The following TOMM20 variants were observed in gnomAD, a reference collection of about 807,000 sequenced individuals.
TOMM20 encodes mitochondrial import receptor subunit TOM20 homolog.
TOMM20 carries 10 observed loss-of-function variants against 22.1 expected under a neutral mutation model. The ratio of observed to expected loss-of-function variants is 0.45; its 90% CI spans 0.28 to 0.77. The LOEUF (loss-of-function observed/expected upper bound fraction) is 0.77. Among genes scored for constraint, TOMM20 ranks in the 30% least tolerant of loss-of-function variants. The pLI, the probability that TOMM20 is intolerant of heterozygous loss-of-function variation, is 0.13. For synonymous variants in TOMM20, 55 were observed against 61.4 expected (o/e 0.90, Z 0.49); for missense variants, 121 against 172.2 (o/e 0.70, Z 1.66).
intron 3 of TOMM20, among the ~76,000 whole-genome samples, chr1:235,117,020 A>C (rs756213517): frequency 5.3e-5 from 8 of 150,056 alleles, no homozygotes; most frequent in Non-Finnish European, 1.2e-4. Context: ...CTGTAGTCCC[A>C]GCTACTCGGG....
intron 1 of TOMM20, among the ~76,000 whole-genome samples, chr1:235,123,616 T>C (rs1460707857): frequency 1.3e-5 from 2 of 152,158 alleles, no homozygotes; most frequent in Admixed American, 1.3e-4. Flanking sequence ...CATAATAGAG[T>C]GCTACCACTG....
At chr1:235,117,277 G>A (rs551712556) in intron 3 of TOMM20, among the ~76,000 whole-genome samples, 1 of 148,960 alleles carries the variant, frequency 6.7e-6, no homozygotes, top group East Asian at 2.0e-4. Flanking sequence ...CCAACATGGT[G>A]AAACCCACCC....
chr1:235,121,201 A>C (rs550458131), intron 2 of TOMM20, among the ~76,000 whole-genome samples: 1 of 151,940 alleles, frequency 6.6e-6, no homozygotes, highest in Admixed American at 6.5e-5. Flanking sequence ...CCATCTCAAA[A>C]AAAAAAAAAA....
intron 4 of TOMM20, 21 bp from the exon 5 acceptor site, chr1:235,112,129 T>A: frequency 6.3e-7 from 1 of 1,578,378 alleles, no homozygotes; most frequent in Non-Finnish European, 8.6e-7. Flanking sequence ...AAAAAAATAA[T>A]TTTTTAAAGT....
intron 1 of TOMM20, among the ~76,000 whole-genome samples, chr1:235,124,731 A>C (rs1412255351): frequency 2.6e-5 from 4 of 152,240 alleles, no homozygotes; most frequent in African/African-American, 9.6e-5. Flanking sequence ...TAACTGATAC[A>C]GCTACCAAAT....
At chr1:235,112,197 G>T in intron 4 of TOMM20, 89 bp from the exon 5 acceptor site, 3 of 1,053,392 alleles carry the variant, frequency 2.8e-6, no homozygotes, top group Non-Finnish European at 4.2e-6. Context: ...TGTATTCAAA[G>T]AATTGAATCT....
At chr1:235,116,279 G>A (rs1164588421) in intron 3 of TOMM20, among the ~76,000 whole-genome samples, 14 of 151,630 alleles carry the variant, frequency 9.2e-5, no homozygotes, top group African/African-American at 2.9e-4. Flanking sequence ...GGTGGTTCAC[G>A]CCTGTAATCC....
Position 235,125,426 on chromosome 1 carries a change from A to G in TOMM20, c.122-3054T>C, listed in dbSNP as rs945570543. Among the ~76,000 whole-genome samples the G allele has an allele frequency of 3.9e-5, 6 of 151,966 alleles. No individual in the cohort carries two copies. The South Asian group carries it at 6.2e-4, about 16-fold the overall frequency. On this transcript the variant is annotated intron_variant, in intron 1 of 4. Coordinates refer to ENST00000366607, the MANE Select transcript of TOMM20 (RefSeq NM_014765.3). Reference sequence around the variant, plus strand: ...AAGACGGGGTTTCACCATGTTAGCCAGGATGGTCTCGATCTCCTGACCTTG... The same window carrying G: ...AAGACGGGGTTTCACCATGTTAGCCGGGATGGTCTCGATCTCCTGACCTTG...
At chr1:235,113,239 T>C (rs1030988861) in intron 4 of TOMM20, among the ~76,000 whole-genome samples, 2 of 152,230 alleles carry the variant, frequency 1.3e-5, no homozygotes, top group African/African-American at 4.8e-5. Context: ...TTAATGCTAT[T>C]TTGCATTTTT....
At chr1:235,115,355 A>C (rs1660812025) in intron 3 of TOMM20, among the ~76,000 whole-genome samples, 1 of 152,072 alleles carries the variant, frequency 6.6e-6, no homozygotes, top group South Asian at 2.1e-4. Flanking sequence ...TACGGCCGGG[A>C]GCAGTGGCTC....
intron 4 of TOMM20, among the ~76,000 whole-genome samples, 195 bp from the exon 5 acceptor site, chr1:235,112,303 C>T (rs1348033906): frequency 6.6e-6 from 1 of 152,108 alleles, no homozygotes; most frequent in Non-Finnish European, 1.5e-5. Flanking sequence ...CTGACAATCC[C>T]ATTTCAAAAG....
At chr1:235,121,890 C>A (rs1660936895) in intron 2 of TOMM20, among the ~76,000 whole-genome samples, 2 of 152,122 alleles carry the variant, frequency 1.3e-5, no homozygotes. Context: ...TTTGTCAGGG[C>A]AGTGGGATTC....
chr1:235,116,945 C>T (rs866494960), intron 3 of TOMM20, among the ~76,000 whole-genome samples: 25 of 151,124 alleles, frequency 1.7e-4, no homozygotes, highest in Non-Finnish European at 2.9e-4. Context: ...ACCATCCTGG[C>T]TAACATGGTG....
chr1:235,112,125 A>T lies in TOMM20; in HGVS notation c.394-17T>A, dbSNP rs1388000031. On this transcript the variant is annotated splice_polypyrimidine_tract_variant and intron_variant, in intron 4 of 4. Transcript: ENST00000366607. ...TACAATTCTCTGAAAGAAAAAAAAA[A>T]TAATTTTTTAAAGTGTCATAAGCAT... 4 of 1,588,610 alleles carry T rather than the reference A, an allele frequency of 2.5e-6. No individual in the cohort carries two copies. Among genetic ancestry groups the T allele is most frequent in the Non-Finnish European group, 2.6e-6 (3 of 1,166,856 alleles).
intron 1 of TOMM20, among the ~76,000 whole-genome samples, chr1:235,123,564 A>T (rs886190768): frequency 9.2e-5 from 14 of 152,138 alleles, no homozygotes; most frequent in African/African-American, 3.4e-4. Context: ...ACCCTCATAA[A>T]CTGGATTTCA....
chr1:235,126,283 C>A (rs1661021803), intron 1 of TOMM20, among the ~76,000 whole-genome samples: 2 of 151,692 alleles, frequency 1.3e-5, no homozygotes, highest in East Asian at 3.9e-4. Flanking sequence ...CCGGCGTGCA[C>A]CACCACACCC....
intron 2 of TOMM20, 120 bp from the exon 3 acceptor site, chr1:235,120,019 T>C (rs1440823281): frequency 9.1e-6 from 5 of 547,574 alleles, no homozygotes; most frequent in Non-Finnish European, 1.6e-5. Context: ...AAAAATCTGA[T>C]AGAAGAACTT....
chr1:235,123,973 T>C (rs1660973029), intron 1 of TOMM20, among the ~76,000 whole-genome samples: 1 of 152,268 alleles, frequency 6.6e-6, no homozygotes. Flanking sequence ...AACGCTTGGA[T>C]GTGAGCACTA....
At chr1:235,120,024 G>T in intron 2 of TOMM20, 125 bp from the exon 3 acceptor site, 1 of 528,998 alleles carries the variant, frequency 1.9e-6, no homozygotes. Flanking sequence ...TCTGATAGAA[G>T]AACTTTACTC....
Sources: allele counts gnomAD v4.1 joint callset (sites outside exome capture counted in the v4.1 genomes callset), GRCh38; gene constraint gnomAD v4.1.1; transcripts MANE v1.5; gene names NCBI Gene and HGNC (gene_info 2026-07-23, HGNC 2026-07-21).